Variants in P4HTM observed in about 807,000 individuals in gnomAD.
The protein encoded by P4HTM is transmembrane prolyl 4-hydroxylase.
P4HTM carries 33 observed loss-of-function variants against 55.3 expected under a neutral mutation model. That is an observed-to-expected ratio of 0.60 (90% CI 0.45 to 0.80). P4HTM has a LOEUF of 0.80. Among genes scored for constraint, P4HTM ranks in the 30% least tolerant of loss-of-function variants. P4HTM has a pLI of 0.00. For missense variants in P4HTM, 542 were observed against 696.5 expected (o/e 0.78, Z 2.50); for synonymous variants, 272 against 286.4 (o/e 0.95, Z 0.51).
chr3:48,990,033 G>T (rs1576601169), upstream of P4HTM: 2 of 210,786 alleles, frequency 9.5e-6, no homozygotes, highest in Admixed American at 6.0e-5. The surrounding 1 kb of genome is among the most constrained non-coding windows in gnomAD (Gnocchi z 7.2). Context: ...TCTGCCCGAC[G>T]GCAACCCAGC....
intron 5 of P4HTM, 183 bp downstream of exon 5, chr3:49,004,443 C>T: frequency 3.2e-6 from 2 of 627,294 alleles, no homozygotes; most frequent in Admixed American, 3.3e-5. Context: ...AATTAGCCCT[C>T]CTTGCAGGCA....
At chr3:49,004,375 G>A in intron 5 of P4HTM, 115 bp downstream of exon 5, 1 of 1,093,026 alleles carries the variant, frequency 9.1e-7, no homozygotes, top group Non-Finnish European at 1.3e-6. Context: ...TTGGGATTAA[G>A]TTCCATTTGT....
intron 2 of P4HTM, among the ~76,000 whole-genome samples, chr3:48,996,655 T>C (rs183726278): frequency 1.3e-5 from 2 of 152,302 alleles, no homozygotes; most frequent in Admixed American, 1.3e-4. Context: ...CCACTGCGCC[T>C]GGCTAGTTCG....
intron 2 of P4HTM, among the ~76,000 whole-genome samples, chr3:48,992,535 G>A (rs923754385): frequency 6.6e-6 from 1 of 151,484 alleles, no homozygotes; most frequent in Non-Finnish European, 1.5e-5. Context: ...GAACCCAGGA[G>A]GCAGAGGTTG....
rs763531474 is a variant in P4HTM at position 49,005,062 on chromosome 3, C to T, written c.1073+16C>T. 6.2e-7 allele frequency: 1 copy of T among 1,613,990 alleles called. No individual in the cohort carries two copies. Among genetic ancestry groups the T allele is most frequent in the Non-Finnish European group, 8.5e-7 (1 of 1,180,038 alleles). ...CCTCCTGCCGGCAAGTATCTCCCAA[C>T]TGGGGGCTGCCTTCAATCCTCAGAC... On this transcript the variant is annotated intron_variant, in intron 6 of 8. Transcript: ENST00000383729.
chr3:49,004,044 C>T, intron 4 of P4HTM, 54 bp from the exon 5 acceptor site: 3 of 1,513,864 alleles, frequency 2.0e-6, no homozygotes, highest in Non-Finnish European at 2.7e-6. Context: ...CAGCCTGCCA[C>T]TGTTGCCTCC....
chr3:48,996,814 A>C (rs1576604526), intron 2 of P4HTM, among the ~76,000 whole-genome samples: 1 of 152,222 alleles, frequency 6.6e-6, no homozygotes, highest in Non-Finnish European at 1.5e-5. Context: ...CATCTTGTCC[A>C]AGGTGAGCAT....
At chr3:49,006,209 T>C (rs775885940) in intron 8 of P4HTM, 22 bp downstream of exon 8, 14 of 1,595,308 alleles carry the variant, frequency 8.8e-6, no homozygotes, top group African/African-American at 1.3e-5. Context: ...TGGCCAGGCC[T>C]GGGGGGGGTG....
Position 49,002,455 on chromosome 3 carries a change from C to G in P4HTM, c.628-45C>G, listed in dbSNP as rs371727289. 1.3e-4 allele frequency: 178 copies of G among 1,376,522 alleles called. No individual in the cohort carries two copies. In the African/African-American group the frequency reaches 2.3e-3, roughly 17 times the overall value. 85.3% of individuals were successfully genotyped at this position (1,376,522 alleles called of 1,614,324 possible). ...CTGGGCCATCTGTTCTCTGCTGGCTCTCCATCACTGGGGTCACCCACTGAG... is the reference window on the plus strand; with the variant it reads ...CTGGGCCATCTGTTCTCTGCTGGCTGTCCATCACTGGGGTCACCCACTGAG... On this transcript the variant is annotated intron_variant, in intron 3 of 8. Transcript: ENST00000383729. This position sits in a 1 kb window ranked among gnomAD's most constrained non-coding sequence, Gnocchi z 4.4.
intron 2 of P4HTM, chr3:49,001,012 GA>G: frequency 3.6e-6 from 1 of 277,798 alleles, no homozygotes; most frequent in Non-Finnish European, 7.1e-6. Context: ...GTTTTTATTT[GA>G]ATAATGCTGA....
At chr3:48,998,098 C>G (rs1319691546) in intron 2 of P4HTM, 1 of 152,300 alleles carries the variant, frequency 6.6e-6, no homozygotes, top group African/African-American at 2.4e-5. Flanking sequence ...ACATTGAGTA[C>G]AGTTTACCTG....
chr3:48,995,709 C>T (rs1378457216), intron 2 of P4HTM, among the ~76,000 whole-genome samples: 3 of 152,090 alleles, frequency 2.0e-5, no homozygotes, highest in Non-Finnish European at 4.4e-5. Flanking sequence ...CCTGAGCCTC[C>T]TGAGTAGCTG....
chr3:48,995,390 A>G (rs1389254019), intron 2 of P4HTM, among the ~76,000 whole-genome samples: 1 of 152,108 alleles, frequency 6.6e-6, no homozygotes, highest in Non-Finnish European at 1.5e-5. Flanking sequence ...CCTCAAACCC[A>G]TCTTAAAAGG....
At chr3:49,003,006 A>C in intron 4 of P4HTM, 1 of 348,278 alleles carries the variant, frequency 2.9e-6, no homozygotes, top group South Asian at 2.2e-5. Flanking sequence ...ACCCCAGCAG[A>C]CAGCTTCCCT....
Position 48,990,457 on chromosome 3 carries a change from C to G in P4HTM, c.201C>G (p.Phe67Leu), listed in dbSNP as rs764023987. Residue 67 changes from phenylalanine to leucine, a missense_variant, in exon 1 of 9, where the codon TTC (phenylalanine) becomes TTG (leucine). Coordinates refer to ENST00000383729, the MANE Select transcript of P4HTM (RefSeq NM_177939.3). The surrounding 1 kb of genome is among the most constrained non-coding windows in gnomAD (Gnocchi z 7.2). ...CCTACTTCCTGGTGCTGATGGTGTTCGTGCACCTGTACCTGGGTAACGTGC... is the reference window on the plus strand; with the variant it reads ...CCTACTTCCTGGTGCTGATGGTGTTGGTGCACCTGTACCTGGGTAACGTGC... ...SRAYFLVLMVFVHLYLGNVLA... is the reference protein window; with the variant it reads ...SRAYFLVLMVLVHLYLGNVLA... The G allele has an allele frequency of 8.7e-6, 14 of 1,610,532 alleles. No individual in the cohort carries two copies. The highest frequency in any genetic ancestry group is 1.1e-5 in the South Asian group (1 of 90,968).
chr3:49,000,841 A>ATCC (rs2092958924), intron 2 of P4HTM, among the ~76,000 whole-genome samples: 1 of 152,222 alleles, frequency 6.6e-6, no homozygotes, highest in African/African-American at 2.4e-5. Context: ...GACACCTGGG[A>ATCC]CATCTTTTCA....
chr3:48,993,099 G>A (rs1162940209), intron 2 of P4HTM, among the ~76,000 whole-genome samples: 2 of 151,950 alleles, frequency 1.3e-5, no homozygotes, highest in South Asian at 2.1e-4. Flanking sequence ...AGGTCAGGTT[G>A]TTCGGGACCA....
chr3:48,996,501 A>G (rs1325601492), intron 2 of P4HTM: 1 of 152,278 alleles, frequency 6.6e-6, no homozygotes, highest in African/African-American at 2.4e-5. Context: ...AGCTGGAAAT[A>G]CAGGCACCCG....
rs763413685 is a variant in P4HTM at position 49,006,071 on chromosome 3, T to C, written c.1172T>C (p.Ile391Thr). The C allele has an allele frequency of 9.3e-6, 15 of 1,612,330 alleles. 1 individual carries two copies. In the South Asian group the frequency reaches 1.6e-4, roughly 18 times the overall value. ...CCACCCTGCTGCCCACAGAGTCTGA[T>C]TCAGGATGACGTGGACCTCCGTGAC... ...DNRTYDEMSL[I>T]QDDVDLRDTR... The change falls in exon 8 of 9, where the codon ATT (isoleucine) becomes ACT (threonine). Residue 391 changes from isoleucine (I) to threonine (T), a missense_variant. Around this residue, in one of 2 missense-constraint regions of P4HTM, gnomAD observed 536 missense variants for 672.1 expected, o/e 0.80. Coordinates refer to ENST00000383729, the MANE Select transcript of P4HTM (RefSeq NM_177939.3).
Sources: allele counts gnomAD v4.1 joint callset (sites outside exome capture counted in the v4.1 genomes callset), GRCh38; gene constraint gnomAD v4.1.1; regional missense constraint gnomAD v4.1.1; non-coding constraint Gnocchi (gnomAD v3.1); transcripts MANE v1.5; gene names NCBI Gene and HGNC (gene_info 2026-07-23, HGNC 2026-07-21).